ACVR1C: variants seen among roughly 807,000 people sequenced by gnomAD.
ACVR1C encodes activin receptor type-1C.
Under a neutral mutation model 57.9 loss-of-function variants are expected in ACVR1C, and 23 were observed. The observed-to-expected ratio is 0.40, with a 90% CI of 0.29 to 0.56. ACVR1C has a LOEUF of 0.56. Ranked by LOEUF, ACVR1C falls within the 20% of genes least tolerant of loss-of-function variation. The pLI, the probability that ACVR1C is intolerant of heterozygous loss-of-function variation, is 0.50. For missense variants in ACVR1C, 480 were observed against 607.9 expected (o/e 0.79, Z 2.21); for synonymous variants, 214 against 215.3 (o/e 0.99, Z 0.05).
At chr2:157,554,105 T>C (rs545488540) in intron 3 of ACVR1C, among the ~76,000 whole-genome samples, 2 of 147,850 alleles carry the variant, frequency 1.4e-5, no homozygotes, top group South Asian at 2.1e-4. Flanking sequence ...ATCACTTGAA[T>C]CCAGGAGGGA....
chr2:157,611,507 C>G (rs1431103906), intron 1 of ACVR1C, among the ~76,000 whole-genome samples: 1 of 152,076 alleles, frequency 6.6e-6, no homozygotes, highest in African/African-American at 2.4e-5. Flanking sequence ...TCTTGGGCCT[C>G]CAGGTGGCTG....
At chr2:157,536,567 T>G (rs1289774436) in intron 8 of ACVR1C, among the ~76,000 whole-genome samples, 1 of 152,168 alleles carries the variant, frequency 6.6e-6, no homozygotes, top group African/African-American at 2.4e-5. Context: ...AAACCATTTG[T>G]TCAAGATTGA....
intron 3 of ACVR1C, among the ~76,000 whole-genome samples, chr2:157,554,355 G>A (rs1349262153): frequency 8.3e-6 from 1 of 119,974 alleles, no homozygotes; most frequent in Non-Finnish European, 1.7e-5. Context: ...GAAAGAAAGA[G>A]AAAGAAAGAA....
intron 1 of ACVR1C, among the ~76,000 whole-genome samples, chr2:157,598,773 A>C (rs1196852501): frequency 6.6e-6 from 1 of 152,026 alleles, no homozygotes; most frequent in Non-Finnish European, 1.5e-5. Context: ...TCCTGACCTC[A>C]AATGATCCAC....
intron 2 of ACVR1C, among the ~76,000 whole-genome samples, chr2:157,557,069 G>A (rs1688122195): frequency 6.6e-6 from 1 of 151,990 alleles, no homozygotes; most frequent in South Asian, 2.1e-4. Context: ...ATACAATGGT[G>A]AGGAAAGAGC....
intron 2 of ACVR1C, among the ~76,000 whole-genome samples, chr2:157,573,045 C>T (rs75193409): frequency 7.2e-5 from 11 of 152,060 alleles, no homozygotes; most frequent in Non-Finnish European, 1.2e-4. Flanking sequence ...TTAAGAGGAA[C>T]GAAAATAGCA....
At chr2:157,581,085 G>A (rs554169797) in intron 2 of ACVR1C, among the ~76,000 whole-genome samples, 12 of 152,226 alleles carry the variant, frequency 7.9e-5, no homozygotes, top group Admixed American at 6.5e-4. Context: ...ATGGTTTTGG[G>A]TTGGTAACAC....
chr2:157,612,466 G>A (rs1682555440), intron 1 of ACVR1C, among the ~76,000 whole-genome samples: 1 of 152,162 alleles, frequency 6.6e-6, no homozygotes, highest in Non-Finnish European at 1.5e-5. Context: ...GTGGGAACAG[G>A]GTTGCTACTC....
At chr2:157,550,133 C>A in intron 4 of ACVR1C, 29 bp downstream of exon 4, 1 of 1,586,442 alleles carries the variant, frequency 6.3e-7, no homozygotes, top group South Asian at 1.1e-5. Context: ...GCATTTTTTA[C>A]TTGTTGAACA....
At chr2:157,596,207 TATAGA>T (rs1176681608) in intron 1 of ACVR1C, among the ~76,000 whole-genome samples, 8 of 152,210 alleles carry the variant, frequency 5.3e-5, no homozygotes, top group African/African-American at 1.4e-4. Context: ...TTTATAAAGA[TATAGA>T]ATAGAACAGA....
chr2:157,626,335 C>G (rs1355862583), intron 1 of ACVR1C, among the ~76,000 whole-genome samples: 1 of 152,204 alleles, frequency 6.6e-6, no homozygotes, highest in Non-Finnish European at 1.5e-5. Flanking sequence ...CAGCTGTTAT[C>G]TTCTGAGATT....
rs1558975229 is a variant in ACVR1C at position 157,554,283 on chromosome 2, GA to G, written c.544+1809del. 2.2e-3 allele frequency among the ~76,000 whole-genome samples: 246 copies of G among 109,924 alleles called. 15 individuals carry two copies. Among genetic ancestry groups the G allele is most frequent in the African/African-American group, 0.01 (228 of 21,748 alleles). 72.1% of individuals were successfully genotyped at this position (109,924 alleles called of 152,430 possible). On this transcript the variant is annotated intron_variant, in intron 3 of 8. Coordinates refer to ENST00000243349, the MANE Select transcript of ACVR1C (RefSeq NM_145259.3). ...AGAAAGAAAGAAAGGAAGGAAGGAA[GA>G]GAGAGAGAGAGAGAAAGAAAGAAAG...
At position 157,550,382 on chromosome 2, in the gene ACVR1C, C is replaced by G. The variant is rs777766092; in HGVS notation, c.555G>C (p.Leu185=). Residue 185 remains leucine (L), a synonymous_variant, in exon 4 of 9, where the codon CTG becomes CTC. Coordinates refer to ENST00000243349, the MANE Select transcript of ACVR1C (RefSeq NM_145259.3). The part of the protein sequence containing the change: ...TASGSGSGLP[L]LVQRTIARTI... ...TCCTTGCAATTGTCCTTTGAACCAA[C>G]AGAGGTAGACCTAACCAAAGAAAAG... is the stretch of plus-strand genomic sequence containing the variant. 1 of 1,614,056 alleles carries G rather than the reference C, an allele frequency of 6.2e-7. No individual in the cohort carries two copies. The highest frequency in any genetic ancestry group is 2.2e-5 in the East Asian group (1 of 44,882).
chr2:157,554,469 T>TA (rs1418906494), intron 3 of ACVR1C, among the ~76,000 whole-genome samples: 1 of 151,976 alleles, frequency 6.6e-6, no homozygotes, highest in Non-Finnish European at 1.5e-5. Flanking sequence ...AATAATTTAT[T>TA]TTAATTTAAA....
intron 1 of ACVR1C, among the ~76,000 whole-genome samples, chr2:157,610,211 G>GACT (rs1682500799): frequency 1.3e-5 from 2 of 151,934 alleles, no homozygotes; most frequent in African/African-American, 4.8e-5. Context: ...CCAGGTTTAG[G>GACT]ACTCCCTTGA....
rs1687388705 is a variant in ACVR1C, at chr2:157,532,818, T to C, written c.*1100A>G. On this transcript the variant is annotated 3_prime_UTR_variant, in exon 9 of 9. Coordinates refer to ENST00000243349, the MANE Select transcript of ACVR1C (RefSeq NM_145259.3). ...TTCTTCTCAATATATTCTCAAAATA[T>C]TTCCTTCCTTCCTCTTCCTTTTCTG... is the stretch of plus-strand genomic sequence containing the variant. 6.6e-6 allele frequency: 1 copy of C among 152,216 alleles called. No individual in the cohort carries two copies. Among genetic ancestry groups the C allele is most frequent in the Non-Finnish European group, 1.5e-5 (1 of 68,042 alleles). The allele number at this position is 152,216 out of a possible 1,614,324, so 9.4% of individuals were successfully genotyped here.
intron 2 of ACVR1C, among the ~76,000 whole-genome samples, chr2:157,561,346 T>C (rs1027281426): frequency 2.0e-5 from 3 of 152,224 alleles, no homozygotes; most frequent in African/African-American, 7.2e-5. Flanking sequence ...GACTTTGAAA[T>C]GTTCTCAGGT....
chr2:157,556,056 T>C, intron 3 of ACVR1C, 37 bp downstream of exon 3: 2 of 1,579,948 alleles, frequency 1.3e-6, no homozygotes, highest in Non-Finnish European at 1.7e-6. Flanking sequence ...AATAAAAGTG[T>C]TTTCTTATTT....
chr2:157,607,580 T>C (rs1449809192), intron 1 of ACVR1C, among the ~76,000 whole-genome samples: 3 of 151,748 alleles, frequency 2.0e-5, no homozygotes, highest in Non-Finnish European at 4.4e-5. Flanking sequence ...TAACAATACC[T>C]ACTCTTCAGA....
Sources: gnomAD v4.1 joint callset for allele counts (sites outside exome capture counted in the v4.1 genomes callset) on GRCh38, gnomAD v4.1.1 for gene constraint, MANE v1.5 for transcripts, NCBI Gene and HGNC (gene_info 2026-07-23, HGNC 2026-07-21) for gene names.